Variants in CLSTN2 observed in about 807,000 individuals in gnomAD.
CLSTN2 encodes the protein calsyntenin-2.
Under a neutral mutation model 101.2 loss-of-function variants are expected in CLSTN2, and 48 were observed. The ratio of observed to expected loss-of-function variants is 0.47; its 90% CI spans 0.38 to 0.60. The LOEUF (loss-of-function observed/expected upper bound fraction) is 0.60, where lower values mean the gene tolerates loss of function less well. Ranked by LOEUF, CLSTN2 falls within the 20% of genes least tolerant of loss-of-function variation. The pLI is 0.00. For missense variants in CLSTN2, 1,160 were observed against 1,238.2 expected, an observed-to-expected ratio of 0.94 and a Z score of 0.95; for synonymous variants, 481 against 463.6, an observed-to-expected ratio of 1.04 and a Z score of -0.48.
At chr3:140,521,901 G>A (rs190111452) in intron 8 of CLSTN2, among the ~76,000 whole-genome samples, 2 of 152,212 alleles carry the variant, frequency 1.3e-5, no homozygotes, top group African/African-American at 2.4e-5. Context: ...TCCCTGGATA[G>A]AGCCCGCCTC....
chr3:139,953,485 G>A (rs569729423), intron 1 of CLSTN2, among the ~76,000 whole-genome samples: 11 of 152,164 alleles, frequency 7.2e-5, no homozygotes, highest in African/African-American at 2.7e-4. Flanking sequence ...TGCCTTTTTC[G>A]TGCAGGTAGG....
At chr3:140,208,624 C>T (rs1000998236) in intron 2 of CLSTN2, among the ~76,000 whole-genome samples, 15 of 151,942 alleles carry the variant, frequency 9.9e-5, no homozygotes, top group African/African-American at 3.6e-4. Flanking sequence ...TTTTTGCATC[C>T]CTGACTCAGT....
intron 2 of CLSTN2, among the ~76,000 whole-genome samples, chr3:140,365,783 G>C (rs560549129): frequency 6.6e-6 from 1 of 152,232 alleles, no homozygotes; most frequent in African/African-American, 2.4e-5. Context: ...GAGATAGATG[G>C]GGCAGAGGGA....
chr3:140,449,639 G>C (rs944093724), intron 6 of CLSTN2: 36 of 152,330 alleles, frequency 2.4e-4, no homozygotes, highest in African/African-American at 8.4e-4. Context: ...CGTGGTGCTG[G>C]AGGGAGTATC....
At chr3:140,256,223 T>C (rs1201114909) in intron 2 of CLSTN2, among the ~76,000 whole-genome samples, 1 of 152,158 alleles carries the variant, frequency 6.6e-6, no homozygotes, top group Non-Finnish European at 1.5e-5. Context: ...TTGGGGCCCC[T>C]CCTTTCAAAA....
chr3:140,182,947 G>A (rs1254744027), intron 2 of CLSTN2, among the ~76,000 whole-genome samples: 2 of 152,180 alleles, frequency 1.3e-5, no homozygotes, highest in South Asian at 2.1e-4. Flanking sequence ...TTGCCTCAAG[G>A]GGATGGCTAG....
chr3:140,113,128 C>T (rs925973024), intron 1 of CLSTN2, among the ~76,000 whole-genome samples: 6 of 152,128 alleles, frequency 3.9e-5, no homozygotes, highest in South Asian at 2.1e-4. Context: ...AAATTGGCCA[C>T]GGATGGAATT....
intron 7 of CLSTN2, among the ~76,000 whole-genome samples, chr3:140,462,020 ATGTC>A (rs1933576253): frequency 6.6e-6 from 1 of 152,234 alleles, no homozygotes. Context: ...AAAGCAATGT[ATGTC>A]TATAGTGGAA....
intron 1 of CLSTN2, among the ~76,000 whole-genome samples, chr3:140,165,107 C>A (rs2010114212): frequency 6.6e-6 from 1 of 152,160 alleles, no homozygotes; most frequent in African/African-American, 2.4e-5. Flanking sequence ...GAAATGTAAT[C>A]TCATCTTCTG....
chr3:140,566,160 G>C lies in CLSTN2; in HGVS notation c.2775G>C (p.Glu925Asp). 6.2e-7 allele frequency: 1 copy of C among 1,609,348 alleles called. No individual in the cohort carries two copies. Among genetic ancestry groups the C allele is most frequent in the Non-Finnish European group, 8.5e-7 (1 of 1,178,784 alleles). The stretch of plus-strand genomic sequence containing the variant: ...GTGGCTCTGACGACAGCGAAGAGGA[G>C]GAGGAGGAGGAAGGGATGGGCAGAG... ...SSSGSDDSEE[E>D]EEEEGMGRGR... The change falls in exon 17 of 17, where the codon GAG becomes GAC. Residue 925 changes from glutamate to aspartate, a missense_variant. Coordinates refer to ENST00000458420, the MANE Select transcript of CLSTN2 (RefSeq NM_022131.3).
intron 8 of CLSTN2, chr3:140,508,720 A>C (rs1934733532): frequency 6.6e-6 from 1 of 151,284 alleles, no homozygotes; most frequent in Non-Finnish European, 1.5e-5. Flanking sequence ...GGGCACTTAC[A>C]ACCGACAACA....
chr3:140,344,485 A>T (rs1232381447), intron 2 of CLSTN2, among the ~76,000 whole-genome samples: 1 of 152,190 alleles, frequency 6.6e-6, no homozygotes, highest in Non-Finnish European at 1.5e-5. Context: ...AGAGTAATCT[A>T]ATCTATCACA....
In CLSTN2 at chr3:140,568,441, A is replaced by G. The variant is rs1985380639; in HGVS notation, c.*2188A>G. On this transcript the variant is annotated 3_prime_UTR_variant, in exon 17 of 17. Coordinates refer to ENST00000458420, the MANE Select transcript of CLSTN2 (RefSeq NM_022131.3). Reference sequence around the variant, plus strand: ...CTGGGGTTTTATATTCATTGGATGGAAACAGATATTTCTCCTGGGAATTCT... The same window carrying G: ...CTGGGGTTTTATATTCATTGGATGGGAACAGATATTTCTCCTGGGAATTCT... The G allele has an allele frequency of 6.6e-6, 1 of 152,188 alleles. No individual in the cohort carries two copies. Among genetic ancestry groups the G allele is most frequent in the Non-Finnish European group, 1.5e-5 (1 of 68,040 alleles). 9.4% of individuals were successfully genotyped at this position (152,188 alleles called of 1,614,324 possible). A position where few individuals can be genotyped will look rare whatever the true frequency, so the allele number is the denominator to read the frequency against.
At chr3:140,241,828 CACACATATATATATACAT>C (rs2086470234) in intron 2 of CLSTN2, among the ~76,000 whole-genome samples, 3 of 147,530 alleles carry the variant, frequency 2.0e-5, no homozygotes, top group Non-Finnish European at 4.5e-5. Flanking sequence ...TATATATACA[CACACATATATATATACAT>C]ATATATATAC....
chr3:140,244,067 AGGCTGGC>A (rs2086494102), intron 2 of CLSTN2, among the ~76,000 whole-genome samples: 1 of 152,230 alleles, frequency 6.6e-6, no homozygotes, highest in Non-Finnish European at 1.5e-5. Context: ...GTAGAGAGGA[AGGCTGGC>A]AGTGCTGAGT....
chr3:140,542,384 A>G (rs1215821838), intron 9 of CLSTN2, among the ~76,000 whole-genome samples: 4 of 151,682 alleles, frequency 2.6e-5, no homozygotes, highest in Admixed American at 2.6e-4. Flanking sequence ...TAGCATCAGG[A>G]ATCCAAAATC....
In CLSTN2 at chr3:140,523,619, T is replaced by C. The variant is rs147431235; in HGVS notation, c.1345-8705T>C. Among the ~76,000 whole-genome samples, 14 of 152,310 alleles carry C rather than the reference T, an allele frequency of 9.2e-5. No homozygotes were observed. The East Asian group carries it at 2.7e-3, about 29-fold the overall frequency. ...TCAATTCACACAACAAACCTATGCATAGATACTATTATTATCCTCACTTCA... is the reference window on the plus strand; with the variant it reads ...TCAATTCACACAACAAACCTATGCACAGATACTATTATTATCCTCACTTCA... On this transcript the variant is annotated intron_variant, in intron 8 of 16. Transcript: ENST00000458420.
chr3:140,221,954 G>A (rs894555173), intron 2 of CLSTN2, among the ~76,000 whole-genome samples: 10 of 152,172 alleles, frequency 6.6e-5, no homozygotes, highest in East Asian at 1.9e-4. Flanking sequence ...TGATACAGCA[G>A]TCCAACTACT....
intron 1 of CLSTN2, among the ~76,000 whole-genome samples, chr3:140,089,141 A>T (rs2008727847): frequency 6.6e-6 from 1 of 152,188 alleles, no homozygotes; most frequent in Non-Finnish European, 1.5e-5. Context: ...GAGCTCCATT[A>T]AACAAGCTGA....
Sources: allele counts gnomAD v4.1 joint callset (sites outside exome capture counted in the v4.1 genomes callset), GRCh38; gene constraint gnomAD v4.1.1; transcripts MANE v1.5; gene names NCBI Gene and HGNC (gene_info 2026-07-23, HGNC 2026-07-21).